The following LRRC4C variants were observed in gnomAD, a reference collection of about 807,000 sequenced individuals.
The protein encoded by LRRC4C is leucine rich repeat containing 4C, also known as leucine-rich repeat-containing protein 4C.
In LRRC4C, 5 loss-of-function variants were observed where a neutral mutation model predicts 33.6. That is an observed-to-expected ratio of 0.15 (90% CI 0.08 to 0.31). The LOEUF (loss-of-function observed/expected upper bound fraction) is 0.31, where lower values mean the gene tolerates loss of function less well. Ranked by LOEUF, LRRC4C falls within the 10% of genes least tolerant of loss-of-function variation. The pLI is 1.00. For synonymous variants in LRRC4C, 329 were observed against 302.0 expected, an observed-to-expected ratio of 1.09 and a Z score of -0.93; for missense variants, 560 against 796.7, an observed-to-expected ratio of 0.70 and a Z score of 3.58.
At chr11:40,399,572 T>C (rs1456264150) in intron 3 of LRRC4C, among the ~76,000 whole-genome samples, 1 of 151,872 alleles carries the variant, frequency 6.6e-6, no homozygotes, top group African/African-American at 2.4e-5. Context: ...TTAGGAGATA[T>C]ACCTAATGCT....
At chr11:41,154,136 G>T (rs1944122773) in intron 1 of LRRC4C, among the ~76,000 whole-genome samples, 1 of 152,174 alleles carries the variant, frequency 6.6e-6, no homozygotes, top group Non-Finnish European at 1.5e-5. Flanking sequence ...AACCAAGTTT[G>T]TGGTAATTTT....
At chr11:40,411,272 C>T (rs149971912) in intron 3 of LRRC4C, among the ~76,000 whole-genome samples, 14 of 152,008 alleles carry the variant, frequency 9.2e-5, no homozygotes, top group African/African-American at 3.4e-4. Flanking sequence ...CATATGCTTA[C>T]TTAGTTCACT....
At chr11:40,792,739 A>G (rs1037044511) in intron 2 of LRRC4C, among the ~76,000 whole-genome samples, 3 of 152,128 alleles carry the variant, frequency 2.0e-5, no homozygotes, top group African/African-American at 7.3e-5. Flanking sequence ...AACCAACCCA[A>G]ATGTCCAACA....
chr11:40,901,396 G>T (rs1323317969), intron 2 of LRRC4C, among the ~76,000 whole-genome samples: 1 of 152,038 alleles, frequency 6.6e-6, no homozygotes. Flanking sequence ...TGATACTCCA[G>T]CTTCTCATGC....
At chr11:41,425,187 G>A (rs974196052) in intron 1 of LRRC4C, among the ~76,000 whole-genome samples, 1 of 151,808 alleles carries the variant, frequency 6.6e-6, no homozygotes, top group Non-Finnish European at 1.5e-5. Flanking sequence ...TAAGGGGCTC[G>A]GTGCATCAAA....
At position 40,822,442 on chromosome 11, in the gene LRRC4C, C is replaced by T. The variant is rs186614698; in HGVS notation, c.-407+111193G>A. Among the ~76,000 whole-genome samples the T allele has an allele frequency of 1.3e-5, 2 of 151,482 alleles. 1 individual carries two copies. Among genetic ancestry groups the T allele is most frequent in the East Asian group, 3.9e-4 (2 of 5,148 alleles). On this transcript the variant is annotated intron_variant, in intron 2 of 6. Coordinates refer to ENST00000528697, the MANE Select transcript of LRRC4C (RefSeq NM_001258419.2). Reference sequence around the variant, plus strand: ...ATGGACACTTAGGTTGATTCTCTATCTTGGCTATTGTGAATGATGCTGCAA... The same window carrying T: ...ATGGACACTTAGGTTGATTCTCTATTTTGGCTATTGTGAATGATGCTGCAA...
chr11:41,279,091 A>G (rs56691096), intron 1 of LRRC4C, among the ~76,000 whole-genome samples: 2,682 of 152,266 alleles, frequency 0.018, 78 homozygotes, highest in African/African-American at 0.062. Flanking sequence ...TAATTCACTT[A>G]GGATAATGGC....
At chr11:40,703,599 C>G (rs1300427802) in intron 2 of LRRC4C, among the ~76,000 whole-genome samples, 2 of 151,938 alleles carry the variant, frequency 1.3e-5, no homozygotes, top group Non-Finnish European at 2.9e-5. Context: ...GCCTTACACA[C>G]TTGGAGAATG....
At position 40,176,240 on chromosome 11, in the gene LRRC4C, G is replaced by A. The variant is rs149723558; in HGVS notation, c.-95-35387C>T. On this transcript the variant is annotated intron_variant, in intron 5 of 6. Transcript: ENST00000528697. ...ATGTCAAGTGGTATAATAAGACTGC[G>A]CATAAAGAATGAAGATAGAACGCGG... 4.1e-3 allele frequency among the ~76,000 whole-genome samples: 631 copies of A among 152,192 alleles called. 4 individuals are homozygous for A. The highest frequency in any genetic ancestry group is 0.014 in the African/African-American group (596 of 41,510).
At chr11:40,609,412 G>A (rs930002210) in intron 3 of LRRC4C, among the ~76,000 whole-genome samples, 4 of 151,750 alleles carry the variant, frequency 2.6e-5, no homozygotes, top group East Asian at 1.9e-4. Context: ...AACCAAAACA[G>A]TACCTAAAGG....
At chr11:41,012,870 G>A (rs1190811818) in intron 1 of LRRC4C, among the ~76,000 whole-genome samples, 2 of 151,920 alleles carry the variant, frequency 1.3e-5, no homozygotes, top group Non-Finnish European at 2.9e-5. Context: ...ATACCTATTG[G>A]CCATCTGTAT....
At chr11:41,266,178 T>C (rs1949145834) in intron 1 of LRRC4C, among the ~76,000 whole-genome samples, 1 of 152,086 alleles carries the variant, frequency 6.6e-6, no homozygotes, top group African/African-American at 2.4e-5. Flanking sequence ...ATAAATGATA[T>C]AAATAGACTT....
At chr11:41,064,388 T>C (rs939328375) in intron 1 of LRRC4C, among the ~76,000 whole-genome samples, 2 of 152,202 alleles carry the variant, frequency 1.3e-5, no homozygotes, top group African/African-American at 2.4e-5. Context: ...AAGTAGCCCA[T>C]TTGTGTTTGA....
chr11:40,999,360 T>C (rs549263804), intron 1 of LRRC4C, among the ~76,000 whole-genome samples: 1 of 152,274 alleles, frequency 6.6e-6, no homozygotes, highest in African/African-American at 2.4e-5. Flanking sequence ...AAATTAAAAC[T>C]CTACTACGGA....
chr11:40,665,806 G>A (rs1413711761), intron 2 of LRRC4C, among the ~76,000 whole-genome samples: 2 of 151,886 alleles, frequency 1.3e-5, no homozygotes, highest in African/African-American at 4.8e-5. Flanking sequence ...GCTAATAACT[G>A]CCCCTTATTA....
intron 2 of LRRC4C, among the ~76,000 whole-genome samples, chr11:40,821,592 G>A (rs912860722): frequency 3.3e-5 from 5 of 151,152 alleles, no homozygotes; most frequent in African/African-American, 9.7e-5. Context: ...TTCTTATATG[G>A]CCTTCACCCA....
intron 3 of LRRC4C, among the ~76,000 whole-genome samples, chr11:40,454,955 T>A (rs1326438336): frequency 6.6e-6 from 1 of 152,128 alleles, no homozygotes; most frequent in East Asian, 1.9e-4. Context: ...AGGTATAAAG[T>A]GGGATGTTAT....
At chr11:40,589,628 T>C (rs1421238187) in intron 3 of LRRC4C, among the ~76,000 whole-genome samples, 1 of 152,178 alleles carries the variant, frequency 6.6e-6, no homozygotes, top group Admixed American at 6.5e-5. Context: ...GTTGTTCCTT[T>C]CCACGTTTAG....
In LRRC4C at chr11:40,633,361, CTT is replaced by C. The variant is rs1218599695; in HGVS notation, c.-270+14779_-270+14780del. On this transcript the variant is annotated intron_variant, in intron 3 of 6. Transcript: ENST00000528697. ...TCTTTCTTTCTTTCTTTCTTTCTTTCTTTCTTTCTTTCTCTCTCTTTCTTTCT... is the reference window on the plus strand; with the variant it reads ...TCTTTCTTTCTTTCTTTCTTTCTTTCTCTTTCTTTCTCTCTCTTTCTTTCT... Among the ~76,000 whole-genome samples the C allele has an allele frequency of 2.7e-4, 13 of 47,752 alleles. 2 individuals are homozygous for C. The highest frequency in any genetic ancestry group is 2.2e-3 in the South Asian group (4 of 1,826). 31.3% of individuals were successfully genotyped at this position (47,752 alleles called of 152,430 possible).
Sources: allele counts gnomAD v4.1 joint callset (sites outside exome capture counted in the v4.1 genomes callset), GRCh38; gene constraint gnomAD v4.1.1; transcripts MANE v1.5; gene names NCBI Gene and HGNC (gene_info 2026-07-23, HGNC 2026-07-21).